Variants in CADPS observed in about 807,000 individuals in gnomAD.
CADPS encodes calcium-dependent secretion activator 1.
A neutral mutation model predicts 167.3 loss-of-function variants in CADPS; 57 were observed. That is an observed-to-expected ratio of 0.34 (90% confidence interval 0.28 to 0.42). The LOEUF is 0.42. CADPS is among the 20% of genes least tolerant of loss of function. CADPS has a pLI of 1.00. For synonymous variants in CADPS, 676 were observed against 635.3 expected, an observed-to-expected ratio of 1.06 and a Z score of -0.96; for missense variants, 1,414 against 1,738.1, an observed-to-expected ratio of 0.81 and a Z score of 3.32.
chr3:62,560,936 G>T (rs2079036868), intron 9 of CADPS, among the ~76,000 whole-genome samples: 1 of 151,948 alleles, frequency 6.6e-6, no homozygotes, highest in African/African-American at 2.4e-5. Context: ...AAAATTAGCT[G>T]GACGTGGCGG....
chr3:62,529,867 G>A (rs2073244851), intron 13 of CADPS, among the ~76,000 whole-genome samples: 1 of 152,174 alleles, frequency 6.6e-6, no homozygotes, highest in Non-Finnish European at 1.5e-5. Flanking sequence ...AGAGTCATCA[G>A]TTCTAAAACC....
At chr3:62,633,073 T>C (rs908143976) in intron 6 of CADPS, among the ~76,000 whole-genome samples, 1 of 151,794 alleles carries the variant, frequency 6.6e-6, no homozygotes, top group Admixed American at 6.6e-5. Flanking sequence ...CTGGTGGTAA[T>C]AAACAATTGC....
At chr3:62,668,658 A>G (rs2034869575) in intron 3 of CADPS, among the ~76,000 whole-genome samples, 1 of 152,112 alleles carries the variant, frequency 6.6e-6, no homozygotes, top group East Asian at 1.9e-4. Context: ...ACAGGTACTT[A>G]TGTGATTTGG....
At chr3:62,789,463 C>T (rs2092747332) in intron 1 of CADPS, among the ~76,000 whole-genome samples, 1 of 152,188 alleles carries the variant, frequency 6.6e-6, no homozygotes. Flanking sequence ...AATGGCAGGC[C>T]TGTTAGCATT....
intron 4 of CADPS, among the ~76,000 whole-genome samples, chr3:62,654,914 G>C (rs2071164765): frequency 6.6e-6 from 1 of 152,166 alleles, no homozygotes; most frequent in Non-Finnish European, 1.5e-5. Flanking sequence ...GTCAAGTGCG[G>C]TTCCTTCTAT....
chr3:62,857,949 G>A (rs1302106008), intron 1 of CADPS, among the ~76,000 whole-genome samples: 1 of 151,870 alleles, frequency 6.6e-6, no homozygotes, highest in Non-Finnish European at 1.5e-5. Flanking sequence ...TTATATCTAG[G>A]GAGTTAGGAA....
intron 2 of CADPS, among the ~76,000 whole-genome samples, chr3:62,758,967 T>C (rs966689898): frequency 1.4e-4 from 22 of 152,304 alleles, no homozygotes; most frequent in African/African-American, 5.1e-4. Flanking sequence ...TTCATTCCTG[T>C]TCTGAAAAAG....
chr3:62,809,103 T>G (rs1184247504), intron 1 of CADPS, among the ~76,000 whole-genome samples: 2 of 152,232 alleles, frequency 1.3e-5, no homozygotes, highest in Non-Finnish European at 2.9e-5. Context: ...ACATCTGCAC[T>G]GCTGCCACTT....
intron 3 of CADPS, among the ~76,000 whole-genome samples, chr3:62,685,833 A>G (rs1440921299): frequency 6.6e-6 from 1 of 152,092 alleles, no homozygotes; most frequent in Non-Finnish European, 1.5e-5. Context: ...ATGAGAATCT[A>G]ATTCTGCCAC....
Position 62,492,423 on chromosome 3 carries a change from T to A in CADPS, c.2751A>T (p.Leu917Phe), listed in dbSNP as rs2063900752. 3 of 1,613,904 alleles carry A rather than the reference T, an allele frequency of 1.9e-6. No individual in the cohort carries two copies. In the East Asian group the frequency reaches 6.7e-5, roughly 36 times the overall value. The change falls in exon 20 of 30, where the codon TTA becomes TTT. Residue 917 changes from leucine to phenylalanine, a missense_variant. Leu to Phe is a conservative substitution (Grantham distance 22, BLOSUM62 0). Transcript: ENST00000383710. The stretch of plus-strand genomic sequence containing the variant: ...GGAACGTCTCCGCATGCTCCACCAT[T>A]AAATCTGACCACCACGCAAAGGCCT... ...KGEAFAWWSDLMVEHAETFLS... is the reference protein window; with the variant it reads ...KGEAFAWWSDFMVEHAETFLS...
In CADPS at chr3:62,863,264, C is replaced by A. The variant is rs560115947; in HGVS notation, c.441+11325G>T. On this transcript the variant is annotated intron_variant, in intron 1 of 29. Transcript: ENST00000383710. ...GGAGTCAGACTGCCTTGGCCCCAAC[C>A]CATGTGCTATATCTGTGACCTAAGA... is the stretch of plus-strand genomic sequence containing the variant. Among the ~76,000 whole-genome samples, 544 of 152,182 alleles carry A rather than the reference C, an allele frequency of 3.6e-3. 1 individual carries two copies. The highest frequency in any genetic ancestry group is 5.0e-3 in the Non-Finnish European group (342 of 68,002).
intron 28 of CADPS, among the ~76,000 whole-genome samples, chr3:62,413,716 C>T (rs538796202): frequency 7.0e-4 from 106 of 152,220 alleles, no homozygotes; most frequent in African/African-American, 2.5e-3. Flanking sequence ...TACTATTGAA[C>T]TGTACACTTA....
chr3:62,474,170 T>TTTTTTTTTTTTTTTAAC lies in CADPS; in HGVS notation c.3477+2_3477+3insGTTAAAAAAAAAAAAAA. ...AAATCTGTATTTTTTTTTTTTTTTT[T>TTTTTTTTTTTTTTTAAC]ACCTCTTGGCCCATTTCCATGCTGC... On this transcript the variant is annotated splice_region_variant and intron_variant, in intron 24 of 29. Coordinates refer to ENST00000383710, the MANE Select transcript of CADPS (RefSeq NM_003716.4). 3 of 1,475,398 alleles carry TTTTTTTTTTTTTTTAAC rather than the reference T, an allele frequency of 2.0e-6. No individual in the cohort carries two copies. Among genetic ancestry groups the TTTTTTTTTTTTTTTAAC allele is most frequent in the Non-Finnish European group, 2.7e-6 (3 of 1,105,886 alleles). The allele number at this position is 1,475,398 out of a possible 1,614,324, so 91.4% of individuals were successfully genotyped here. A position where few individuals can be genotyped will look rare whatever the true frequency, so the allele number is the denominator to read the frequency against.
At chr3:62,790,636 C>T (rs1381698390) in intron 1 of CADPS, among the ~76,000 whole-genome samples, 1 of 152,168 alleles carries the variant, frequency 6.6e-6, no homozygotes, top group Non-Finnish European at 1.5e-5. Flanking sequence ...GATTACATCT[C>T]CTGTTTGAGC....
intron 21 of CADPS, among the ~76,000 whole-genome samples, chr3:62,485,109 A>T (rs2062605182): frequency 6.6e-6 from 1 of 152,094 alleles, no homozygotes; most frequent in Non-Finnish European, 1.5e-5. Context: ...TTTATGTATT[A>T]TATGTAGATC....
intron 1 of CADPS, among the ~76,000 whole-genome samples, chr3:62,859,736 T>C (rs1421099307): frequency 6.6e-6 from 1 of 152,176 alleles, no homozygotes; most frequent in East Asian, 1.9e-4. Context: ...CATAGGGAGT[T>C]GTTTCTAATC....
intron 22 of CADPS, among the ~76,000 whole-genome samples, chr3:62,481,042 C>T (rs1314470102): frequency 6.6e-6 from 1 of 152,186 alleles, no homozygotes; most frequent in African/African-American, 2.4e-5. Flanking sequence ...ATGGCTACCA[C>T]AAATTTAATT....
intron 1 of CADPS, among the ~76,000 whole-genome samples, chr3:62,772,871 C>G (rs2089279928): frequency 6.6e-6 from 1 of 152,110 alleles, no homozygotes; most frequent in African/African-American, 2.4e-5. Context: ...AGAAAAATAT[C>G]TTTGGGTGTA....
intron 8 of CADPS, among the ~76,000 whole-genome samples, chr3:62,577,638 G>A (rs1346357685): frequency 1.3e-5 from 2 of 152,212 alleles, no homozygotes; most frequent in African/African-American, 4.8e-5. Context: ...CTCTTCTATA[G>A]CTGTAGCTAT....
Sources: gnomAD v4.1 joint callset for allele counts (sites outside exome capture counted in the v4.1 genomes callset) on GRCh38, gnomAD v4.1.1 for gene constraint, MANE v1.5 for transcripts, NCBI Gene and HGNC (gene_info 2026-07-23, HGNC 2026-07-21) for gene names.